LRRC7: variants seen among roughly 807,000 people sequenced by gnomAD.
LRRC7 encodes the protein leucine rich repeat containing 7, also known as leucine-rich repeat-containing protein 7.
A neutral mutation model predicts 175.7 loss-of-function variants in LRRC7; 23 were observed. The observed-to-expected ratio is 0.13, with a 90% CI of 0.09 to 0.19. The LOEUF (loss-of-function observed/expected upper bound fraction) is 0.19. LRRC7 is among the 10% of genes least tolerant of loss of function. LRRC7 has a pLI of 1.00. For synonymous variants in LRRC7, 685 were observed against 680.9 expected (o/e 1.01, Z -0.09); for missense variants, 1,354 against 1,904.7 (o/e 0.71, Z 5.38).
At chr1:69,617,808 C>A (rs1649912454) in intron 1 of LRRC7, among the ~76,000 whole-genome samples, 2 of 152,044 alleles carry the variant, frequency 1.3e-5, no homozygotes, top group Non-Finnish European at 2.9e-5. Flanking sequence ...GCCACTGGAT[C>A]CAGGTCAACA....
chr1:69,772,640 G>A (rs1188121631), intron 3 of LRRC7, among the ~76,000 whole-genome samples: 1 of 152,164 alleles, frequency 6.6e-6, no homozygotes, highest in Non-Finnish European at 1.5e-5. Flanking sequence ...CAGTTGTTCA[G>A]GTGAGAGGTT....
chr1:69,916,289 TTA>T (rs1259858948), intron 7 of LRRC7, among the ~76,000 whole-genome samples: 1 of 136,938 alleles, frequency 7.3e-6, no homozygotes, highest in African/African-American at 2.7e-5. Flanking sequence ...ATCATATATA[TTA>T]TATATATAAA....
chr1:70,104,887 T>A (rs116191768), intron 25 of LRRC7, among the ~76,000 whole-genome samples: 2 of 152,200 alleles, frequency 1.3e-5, no homozygotes, highest in Non-Finnish European at 2.9e-5. Flanking sequence ...ATTAAAACTG[T>A]TCCTGTACAA....
At chr1:69,882,838 C>T (rs1307394031) in intron 7 of LRRC7, among the ~76,000 whole-genome samples, 1 of 147,156 alleles carries the variant, frequency 6.8e-6, no homozygotes, top group Non-Finnish European at 1.5e-5. Context: ...TGCTCAATTC[C>T]CACCTATGAG....
intron 18 of LRRC7, among the ~76,000 whole-genome samples, chr1:70,034,231 C>T (rs1049628747): frequency 2.6e-5 from 4 of 152,122 alleles, no homozygotes; most frequent in African/African-American, 9.7e-5. Context: ...TCCCTTCTGT[C>T]ACCTTAAAAC....
Position 69,981,130 on chromosome 1 carries a change from AAG to A in LRRC7, c.786+687_786+688del. Among the ~76,000 whole-genome samples, 3 of 151,368 alleles carry A rather than the reference AAG, an allele frequency of 2.0e-5. No homozygotes were observed. The East Asian group carries it at 5.8e-4, about 29-fold the overall frequency. On this transcript the variant is annotated intron_variant, in intron 9 of 26. Coordinates refer to ENST00000651989, the MANE Select transcript of LRRC7 (RefSeq NM_001370785.2). ...CCACTTGCATACACACACACACACCAAGAGAGAGAGACAGCGAGAGAGCGCAA... is the reference window on the plus strand; with the variant it reads ...CCACTTGCATACACACACACACACCAAGAGAGAGACAGCGAGAGAGCGCAA...
chr1:70,033,811 CT>C (rs1659023001), intron 18 of LRRC7, among the ~76,000 whole-genome samples: 1 of 151,604 alleles, frequency 6.6e-6, no homozygotes, highest in African/African-American at 2.4e-5. Flanking sequence ...ACATTCTGTA[CT>C]TGTACAGCTA....
At position 69,981,959 on chromosome 1, in the gene LRRC7, T is replaced by A. The variant is rs1380014312; in HGVS notation, c.786+1506T>A. ...TACAAAAAAAGTAACTGGCCCAAGATAACACAGCCAGTACCCCAGGGAGCT... is the reference window on the plus strand; with the variant it reads ...TACAAAAAAAGTAACTGGCCCAAGAAAACACAGCCAGTACCCCAGGGAGCT... On this transcript the variant is annotated intron_variant, in intron 9 of 26. Transcript: ENST00000651989. Among the ~76,000 whole-genome samples, 5 of 152,172 alleles carry A rather than the reference T, an allele frequency of 3.3e-5. No individual in the cohort carries two copies. In the East Asian group the frequency reaches 9.6e-4, roughly 29 times the overall value.
chr1:69,731,196 G>A (rs188639965), intron 2 of LRRC7, among the ~76,000 whole-genome samples: 2 of 152,138 alleles, frequency 1.3e-5, no homozygotes, highest in Admixed American at 6.5e-5. Context: ...CAGCTACTCG[G>A]GAGGCTGAGG....
intron 1 of LRRC7, among the ~76,000 whole-genome samples, chr1:69,578,544 A>C (rs1485484738): frequency 1.3e-5 from 2 of 149,582 alleles, no homozygotes; most frequent in South Asian, 2.1e-4. Context: ...AACCAACCCA[A>C]ATGTCCAACA....
chr1:70,022,501 C>T (rs1238467028), intron 16 of LRRC7: 2 of 152,056 alleles, frequency 1.3e-5, no homozygotes, highest in Admixed American at 1.3e-4. Flanking sequence ...TTTAGAAGCC[C>T]TGTTTGTGTG....
chr1:69,882,231 T>C (rs1686692049), intron 7 of LRRC7, among the ~76,000 whole-genome samples: 1 of 152,080 alleles, frequency 6.6e-6, no homozygotes, highest in Non-Finnish European at 1.5e-5. Context: ...GATAACTAGA[T>C]ATTGGAAAGA....
At position 70,132,704 on chromosome 1, in the gene LRRC7, C is replaced by T. The variant is rs1174820420; in HGVS notation, c.*10817C>T. ...GCCAGGTTGGTCTTGAACTCCTGAC[C>T]TCGTGATCCACCTGCCTCGGACTCC... On this transcript the variant is annotated 3_prime_UTR_variant, in exon 27 of 27. Coordinates refer to ENST00000651989, the MANE Select transcript of LRRC7 (RefSeq NM_001370785.2). Among the ~76,000 whole-genome samples the T allele has an allele frequency of 1.3e-5, 2 of 152,020 alleles. No individual in the cohort carries two copies. Among genetic ancestry groups the T allele is most frequent in the African/African-American group, 4.8e-5 (2 of 41,388 alleles).
At position 70,038,964 on chromosome 1, in the gene LRRC7, C is replaced by T. The variant is rs771460031; in HGVS notation, c.3140C>T (p.Thr1047Ile). The T allele has an allele frequency of 1.2e-6, 2 of 1,613,844 alleles. No homozygotes were observed. The highest frequency in any genetic ancestry group is 1.1e-5 in the South Asian group (1 of 91,080). Residue 1047 changes from threonine to isoleucine, a missense_variant, in exon 21 of 27, where the codon ACC becomes ATC. Transcript: ENST00000651989. ...CCAATGCTGGATGATGAGATGCTCACCTACGGAAGTAGTAAGGGGCCACAA... is the reference window on the plus strand; with the variant it reads ...CCAATGCTGGATGATGAGATGCTCATCTACGGAAGTAGTAAGGGGCCACAA... ...SVPMLDDEMLTYGSSKGPQQQ... is the reference protein window; with the variant it reads ...SVPMLDDEMLIYGSSKGPQQQ...
intron 2 of LRRC7, among the ~76,000 whole-genome samples, chr1:69,702,758 A>G (rs772711761): frequency 6.6e-6 from 1 of 152,144 alleles, no homozygotes; most frequent in Non-Finnish European, 1.5e-5. Flanking sequence ...TGAATATACA[A>G]TTCTAGCACT....
chr1:69,978,287 G>C (rs776609820), intron 8 of LRRC7, among the ~76,000 whole-genome samples: 3 of 148,918 alleles, frequency 2.0e-5, no homozygotes, highest in African/African-American at 7.4e-5. Flanking sequence ...CGTCGTCTGC[G>C]AGGAGAGGAG....
intron 7 of LRRC7, among the ~76,000 whole-genome samples, chr1:69,891,242 G>C (rs1024313010): frequency 2.0e-5 from 3 of 152,182 alleles, no homozygotes; most frequent in Admixed American, 1.3e-4. Flanking sequence ...TGAACACTTA[G>C]AGACCATTAT....
intron 3 of LRRC7, among the ~76,000 whole-genome samples, chr1:69,778,969 T>C (rs946555089): frequency 1.1e-4 from 14 of 131,120 alleles, no homozygotes; most frequent in Non-Finnish European, 2.3e-4. Context: ...AACATATATA[T>C]ATATATACAC....
intron 1 of LRRC7, among the ~76,000 whole-genome samples, chr1:69,672,015 T>A (rs1659155478): frequency 6.6e-6 from 1 of 152,066 alleles, no homozygotes; most frequent in South Asian, 2.1e-4. Flanking sequence ...TTAAAAAAAT[T>A]TTTTTTATTA....
Sources: gnomAD v4.1 joint callset for allele counts (sites outside exome capture counted in the v4.1 genomes callset) on GRCh38, gnomAD v4.1.1 for gene constraint, MANE v1.5 for transcripts, NCBI Gene and HGNC (gene_info 2026-07-23, HGNC 2026-07-21) for gene names.